GRID2: variants seen among roughly 807,000 people sequenced by gnomAD.
The protein encoded by GRID2 is glutamate receptor ionotropic, delta-2.
GRID2 carries 33 observed loss-of-function variants against 114.8 expected under a neutral mutation model. That is an observed-to-expected ratio of 0.29 (90% CI 0.22 to 0.38). The LOEUF (loss-of-function observed/expected upper bound fraction) is 0.38. Among genes scored for constraint, GRID2 ranks in the 10% least tolerant of loss-of-function variants. The probability of loss-of-function intolerance (pLI) is 1.00; values close to 1 mark genes in which losing one functional copy is unlikely to be tolerated. For missense variants in GRID2, 1,184 were observed against 1,257.7 expected, an observed-to-expected ratio of 0.94 and a Z score of 0.89; for synonymous variants, 505 against 449.9, an observed-to-expected ratio of 1.12 and a Z score of -1.55.
At chr4:92,433,603 G>T (rs1245068892) in intron 1 of GRID2, among the ~76,000 whole-genome samples, 1 of 152,162 alleles carries the variant, frequency 6.6e-6, no homozygotes, top group East Asian at 1.9e-4. Flanking sequence ...CTGGGGAGTT[G>T]GGGAGGGGTG....
chr4:92,871,161 G>A (rs900025991), intron 2 of GRID2, among the ~76,000 whole-genome samples: 22 of 152,004 alleles, frequency 1.4e-4, no homozygotes, highest in African/African-American at 4.6e-4. Context: ...CTGGAGTTGC[G>A]ATGCCTGGTT....
chr4:93,448,247 A>G (rs1722278383), intron 10 of GRID2, among the ~76,000 whole-genome samples: 1 of 152,032 alleles, frequency 6.6e-6, no homozygotes, highest in Non-Finnish European at 1.5e-5. Context: ...CGTTAACTGG[A>G]AAAAAAGGAG....
chr4:92,452,698 C>T (rs1310752008), intron 1 of GRID2, among the ~76,000 whole-genome samples: 1 of 151,692 alleles, frequency 6.6e-6, no homozygotes, highest in Non-Finnish European at 1.5e-5. Context: ...GAGACTAATA[C>T]ATATAATAAC....
intron 2 of GRID2, among the ~76,000 whole-genome samples, chr4:92,715,578 A>G (rs1022384131): frequency 3.9e-5 from 6 of 152,186 alleles, no homozygotes; most frequent in African/African-American, 1.4e-4. Context: ...ACAGTTCCAC[A>G]TGGCTGAGGA....
intron 14 of GRID2, among the ~76,000 whole-genome samples, chr4:93,712,343 A>G (rs1054005564): frequency 2.0e-5 from 3 of 152,100 alleles, no homozygotes; most frequent in Non-Finnish European, 4.4e-5. Context: ...ATTTTCTTCC[A>G]TGTAGATAAC....
chr4:92,988,149 A>G (rs1754626588), intron 2 of GRID2, among the ~76,000 whole-genome samples: 2 of 152,202 alleles, frequency 1.3e-5, no homozygotes, highest in African/African-American at 4.8e-5. Flanking sequence ...TTAAAAATCC[A>G]GGAATGGCTC....
At chr4:92,507,275 GAGCATATCAC>G (rs1344790827) in intron 1 of GRID2, among the ~76,000 whole-genome samples, 1 of 151,866 alleles carries the variant, frequency 6.6e-6, no homozygotes, top group Non-Finnish European at 1.5e-5. Flanking sequence ...TGAAACTACA[GAGCATATCAC>G]AGCTCCTTCT....
chr4:93,808,246 A>G (rs1300914623), exon 2 of GRID2: 1 of 152,228 alleles, frequency 6.6e-6, no homozygotes, highest in African/African-American at 2.4e-5. Context: ...AAGTCAAAAG[A>G]CAGAGCTTCA....
At chr4:92,475,158 A>C (rs1722241615) in intron 1 of GRID2, among the ~76,000 whole-genome samples, 1 of 148,832 alleles carries the variant, frequency 6.7e-6, no homozygotes, top group Admixed American at 6.7e-5. Flanking sequence ...AATAATAAAA[A>C]GCTTTTTATT....
At position 92,636,109 on chromosome 4, in the gene GRID2, GA is replaced by G. The variant is rs578128312; in HGVS notation, c.244+45827del. On this transcript the variant is annotated intron_variant, in intron 2 of 15. Transcript: ENST00000282020. Reference sequence around the variant, plus strand: ...ATGACTGCATATTTTAAGGACTATTGAAAATTAGTGGATACTGATTTTACTG... The same window carrying G: ...ATGACTGCATATTTTAAGGACTATTGAAATTAGTGGATACTGATTTTACTG... 2.1e-3 allele frequency among the ~76,000 whole-genome samples: 316 copies of G among 152,094 alleles called. 2 individuals carry two copies. The highest frequency in any genetic ancestry group is 3.6e-3 in the Non-Finnish European group (244 of 67,988).
At chr4:92,913,483 T>A (rs185384750) in intron 2 of GRID2, among the ~76,000 whole-genome samples, 1 of 151,910 alleles carries the variant, frequency 6.6e-6, no homozygotes, top group Non-Finnish European at 1.5e-5. Flanking sequence ...ATATAACTTT[T>A]ATCTGAACTC....
intron 2 of GRID2, among the ~76,000 whole-genome samples, chr4:92,862,274 A>G (rs1024829311): frequency 3.9e-5 from 6 of 152,084 alleles, no homozygotes; most frequent in Non-Finnish European, 8.8e-5. Context: ...CAAATCAAGG[A>G]TGTTTTATGC....
At chr4:93,219,095 T>C (rs1249213449) in intron 6 of GRID2, among the ~76,000 whole-genome samples, 3 of 152,162 alleles carry the variant, frequency 2.0e-5, no homozygotes, top group East Asian at 3.9e-4. Context: ...GTCCCATGTT[T>C]GCATTTTAAC....
intron 13 of GRID2, among the ~76,000 whole-genome samples, chr4:93,579,227 C>A (rs1425962024): frequency 6.6e-6 from 1 of 152,128 alleles, no homozygotes; most frequent in Non-Finnish European, 1.5e-5. Context: ...GCTTTTGGCT[C>A]TGAACATTCC....
intron 2 of GRID2, among the ~76,000 whole-genome samples, chr4:92,810,565 A>G (rs1578221471): frequency 6.6e-6 from 1 of 152,104 alleles, no homozygotes; most frequent in African/African-American, 2.4e-5. Flanking sequence ...TAGCCCATAA[A>G]TTATAAAATT....
intron 1 of GRID2, among the ~76,000 whole-genome samples, chr4:92,495,879 T>A (rs1442660617): frequency 3.3e-5 from 5 of 151,810 alleles, no homozygotes; most frequent in African/African-American, 1.2e-4. Context: ...TCGGAAAGAT[T>A]TTAGATAGTA....
chr4:92,615,694 CT>C (rs972822762), intron 2 of GRID2, among the ~76,000 whole-genome samples: 17 of 151,382 alleles, frequency 1.1e-4, no homozygotes, highest in African/African-American at 3.9e-4. Context: ...TCTGGCTATT[CT>C]TTTTTACTGT....
intron 14 of GRID2, among the ~76,000 whole-genome samples, chr4:93,648,878 C>T (rs930126114): frequency 3.3e-5 from 5 of 152,008 alleles, no homozygotes; most frequent in African/African-American, 1.2e-4. Flanking sequence ...CATATGCAAA[C>T]ACATACAGTT....
intron 2 of GRID2, among the ~76,000 whole-genome samples, chr4:92,917,574 C>A (rs1179701913): frequency 6.6e-6 from 1 of 152,208 alleles, no homozygotes; most frequent in Non-Finnish European, 1.5e-5. Context: ...GAGCTTTCTA[C>A]ATATGGCTAG....
Sources: allele counts gnomAD v4.1 joint callset (sites outside exome capture counted in the v4.1 genomes callset), GRCh38; gene constraint gnomAD v4.1.1; transcripts MANE v1.5; gene names NCBI Gene and HGNC (gene_info 2026-07-23, HGNC 2026-07-21).